Variants in SYN3 observed in about 807,000 individuals in gnomAD.
SYN3 encodes synapsin III.
SYN3 carries 35 observed loss-of-function variants against 65.8 expected under a neutral mutation model. That is an observed-to-expected ratio of 0.53 (90% CI 0.41 to 0.70). The LOEUF (loss-of-function observed/expected upper bound fraction) is 0.70. Among genes scored for constraint, SYN3 ranks in the 30% least tolerant of loss-of-function variants. The pLI, the probability that SYN3 is intolerant of heterozygous loss-of-function variation, is 0.00. For missense variants in SYN3, 680 were observed against 749.0 expected (o/e 0.91, Z 1.08); for synonymous variants, 270 against 292.9 (o/e 0.92, Z 0.80).
At chr22:32,523,091 G>C (rs1233668320) in intron 12 of SYN3, among the ~76,000 whole-genome samples, 1 of 152,206 alleles carries the variant, frequency 6.6e-6, no homozygotes, top group Non-Finnish European at 1.5e-5. Flanking sequence ...CCTCACATTT[G>C]ACAATTGTCA....
chr22:32,752,942 C>G (rs893190851), intron 6 of SYN3, among the ~76,000 whole-genome samples: 1 of 152,074 alleles, frequency 6.6e-6, no homozygotes, highest in Admixed American at 6.5e-5. Flanking sequence ...AAGGGAAAAC[C>G]GAGCACTCTG....
chr22:32,982,728 T>C (rs1386339019), intron 2 of SYN3, among the ~76,000 whole-genome samples: 1 of 152,130 alleles, frequency 6.6e-6, no homozygotes, highest in African/African-American at 2.4e-5. Context: ...AGTAGGAAAT[T>C]GATTAATATT....
At chr22:32,516,339 C>T (rs1413304977) in intron 13 of SYN3, among the ~76,000 whole-genome samples, 8 of 144,772 alleles carry the variant, frequency 5.5e-5, no homozygotes, top group Admixed American at 1.3e-4. Context: ...TTTCAACATA[C>T]ATCTTTGATT....
At chr22:32,627,438 C>T (rs1411230236) in intron 6 of SYN3, among the ~76,000 whole-genome samples, 1 of 152,192 alleles carries the variant, frequency 6.6e-6, no homozygotes, top group Admixed American at 6.5e-5. Context: ...CTGACGCACA[C>T]TCACGGCAGG....
At chr22:32,628,829 G>T (rs1471662220) in intron 6 of SYN3, among the ~76,000 whole-genome samples, 3 of 152,032 alleles carry the variant, frequency 2.0e-5, no homozygotes, top group Admixed American at 2.0e-4. Context: ...TGTGCTGGCC[G>T]CTGGTCATGC....
At chr22:33,016,513 C>T (rs1180107583) in intron 1 of SYN3, among the ~76,000 whole-genome samples, 2 of 152,154 alleles carry the variant, frequency 1.3e-5, no homozygotes, top group East Asian at 3.8e-4. Context: ...AATTTACATT[C>T]CCACTCATGG....
chr22:32,817,899 A>G (rs930310662), intron 6 of SYN3, among the ~76,000 whole-genome samples: 1 of 152,138 alleles, frequency 6.6e-6, no homozygotes, highest in Non-Finnish European at 1.5e-5. Context: ...TCTGGGCCAG[A>G]TCTCTCCCCT....
At chr22:32,710,632 CAAAA>C (rs57427060) in intron 6 of SYN3, among the ~76,000 whole-genome samples, 1 of 75,016 alleles carries the variant, frequency 1.3e-5, no homozygotes, top group Non-Finnish European at 2.4e-5. Flanking sequence ...GACTCTGTCT[CAAAA>C]AAAAAAAAAA....
At chr22:32,607,987 C>CT (rs1342437582) in intron 6 of SYN3, among the ~76,000 whole-genome samples, 3 of 152,164 alleles carry the variant, frequency 2.0e-5, no homozygotes, top group South Asian at 2.1e-4. Context: ...CTATAATTTA[C>CT]TTTTTTTGAC....
chr22:32,884,480 A>G (rs2049235077), intron 4 of SYN3, among the ~76,000 whole-genome samples: 1 of 152,242 alleles, frequency 6.6e-6, no homozygotes, highest in Admixed American at 6.5e-5. Context: ...GCCAATCCAC[A>G]TAAAGAATTG....
chr22:32,919,214 G>T (rs748296952), intron 4 of SYN3, among the ~76,000 whole-genome samples: 1 of 152,096 alleles, frequency 6.6e-6, no homozygotes, highest in Non-Finnish European at 1.5e-5. Flanking sequence ...CACGGGGCTC[G>T]CTCTGCTCAC....
At chr22:32,903,930 G>C (rs557971688) in intron 4 of SYN3, among the ~76,000 whole-genome samples, 3 of 152,268 alleles carry the variant, frequency 2.0e-5, no homozygotes, top group South Asian at 4.1e-4. Context: ...ATTGGGCCCC[G>C]GGCCAGGCCC....
intron 6 of SYN3, among the ~76,000 whole-genome samples, chr22:32,747,805 G>A (rs1028396856): frequency 2.6e-5 from 4 of 152,226 alleles, no homozygotes; most frequent in Non-Finnish European, 5.9e-5. Flanking sequence ...TTGGCCTTGT[G>A]TCTCCAGACT....
intron 1 of SYN3, among the ~76,000 whole-genome samples, chr22:33,028,676 G>GTGGTGGTGGTGGTGGTGGTGA (rs2053687105): frequency 9.9e-6 from 1 of 100,876 alleles, no homozygotes; most frequent in African/African-American, 4.3e-5. Flanking sequence ...GGTGGTGGTG[G>GTGGTGGTGGTGGTGGTGGTGA]TGGTGGTGGT....
At chr22:32,726,560 C>T (rs778526608) in intron 6 of SYN3, among the ~76,000 whole-genome samples, 3 of 152,194 alleles carry the variant, frequency 2.0e-5, no homozygotes, top group Admixed American at 1.3e-4. Flanking sequence ...CAACAGCTCT[C>T]GTCTCCTATC....
intron 1 of SYN3, among the ~76,000 whole-genome samples, chr22:33,055,478 C>T (rs796828295): frequency 7.9e-5 from 12 of 152,322 alleles, no homozygotes; most frequent in African/African-American, 2.9e-4. Context: ...GGGAGACCTT[C>T]CCTGACTACA....
intron 4 of SYN3, among the ~76,000 whole-genome samples, chr22:32,912,721 T>TA (rs11352907): frequency 2.5e-3 from 369 of 146,126 alleles, no homozygotes; most frequent in African/African-American, 3.5e-3. Context: ...ACCTTTTCTC[T>TA]AAAAAAAAAA....
chr22:32,981,516 C>T (rs1199327285), intron 2 of SYN3, among the ~76,000 whole-genome samples: 1 of 151,704 alleles, frequency 6.6e-6, no homozygotes, highest in Non-Finnish European at 1.5e-5. Flanking sequence ...ACCCGGAAGG[C>T]AGAAGTTGCG....
At chr22:32,666,157 G>T (rs1438556084) in intron 6 of SYN3, among the ~76,000 whole-genome samples, 1 of 152,108 alleles carries the variant, frequency 6.6e-6, no homozygotes, top group Non-Finnish European at 1.5e-5. Flanking sequence ...CACCATTACT[G>T]CTTCACCTTG....
Sources: allele counts gnomAD v4.1 joint callset (sites outside exome capture counted in the v4.1 genomes callset), GRCh38; gene constraint gnomAD v4.1.1; transcripts MANE v1.5; gene names NCBI Gene and HGNC (gene_info 2026-07-23, HGNC 2026-07-21).